The following ELFN2 variants were observed in gnomAD, a reference collection of about 807,000 sequenced individuals.
ELFN2 encodes extracellular leucine rich repeat and fibronectin type III domain containing 2, also known as protein phosphatase 1 regulatory subunit 29.
In ELFN2, 17 loss-of-function variants were observed where a neutral mutation model predicts 45.5. The observed-to-expected ratio is 0.37, with a 90% CI of 0.26 to 0.56. The LOEUF is 0.56. ELFN2 is among the 20% of genes least tolerant of loss of function. ELFN2 has a pLI of 0.77. For missense variants in ELFN2, 922 were observed against 1,183.2 expected, an observed-to-expected ratio of 0.78 and a Z score of 3.24; for synonymous variants, 550 against 551.5, an observed-to-expected ratio of 1.00 and a Z score of 0.04.
intron 1 of ELFN2, among the ~76,000 whole-genome samples, chr22:37,346,480 T>C (rs902581727): frequency 1.7e-4 from 26 of 152,082 alleles, no homozygotes; most frequent in African/African-American, 6.3e-4. Flanking sequence ...CCTCCTCTTA[T>C]TTCTCCTTGA....
At chr22:37,382,782 G>C (rs549588556) in intron 2 of ELFN2, among the ~76,000 whole-genome samples, 21 of 152,238 alleles carry the variant, frequency 1.4e-4, no homozygotes, top group African/African-American at 4.8e-4. Flanking sequence ...GAACTCCTCA[G>C]CTCAAGCGAT....
At position 37,374,992 on chromosome 22, in the gene ELFN2, C is replaced by T. The variant is rs1931531572; in HGVS notation, c.543G>A (p.Glu181=). The T allele has an allele frequency of 6.2e-7, 1 of 1,613,438 alleles. No individual in the cohort carries two copies. The highest frequency in any genetic ancestry group is 8.5e-7 in the Non-Finnish European group (1 of 1,180,030). ...CACAGTTGAAGGGGTTGCCGGCCAG[C>T]TCACACACCATCAGGCTGGCGAGGC... is the stretch of plus-strand genomic sequence containing the variant. ...FASLASLMVC[E]LAGNPFNCEC... The change falls in exon 3 of 3, where the codon GAG becomes GAA. Residue 181 remains glutamate, a synonymous_variant. Transcript: ENST00000402918.
At chr22:37,424,713 A>AGACAGC (rs138374153) in intron 1 of ELFN2, among the ~76,000 whole-genome samples, 1,945 of 152,210 alleles carry the variant, frequency 0.013, 36 homozygotes, top group African/African-American at 0.045. Flanking sequence ...TTAAATCAAC[A>AGACAGC]GACAGCTTAT....
At chr22:37,348,745 T>C (rs1392633707) in intron 1 of ELFN2, among the ~76,000 whole-genome samples, 1 of 150,676 alleles carries the variant, frequency 6.6e-6, no homozygotes, top group Non-Finnish European at 1.5e-5. Flanking sequence ...ATCTGAGGAA[T>C]GTGCCACCCG....
intron 2 of ELFN2, among the ~76,000 whole-genome samples, chr22:37,382,145 A>T: frequency 6.6e-6 from 1 of 152,076 alleles, no homozygotes; most frequent in East Asian, 1.9e-4. Flanking sequence ...GCAGTGATGC[A>T]CCCAAGACCA....
intron 2 of ELFN2, among the ~76,000 whole-genome samples, chr22:37,415,700 C>A (rs1328663049): frequency 1.3e-5 from 2 of 152,202 alleles, no homozygotes. Flanking sequence ...CGGTGGCTCA[C>A]GCCTGTAATC....
intron 2 of ELFN2, among the ~76,000 whole-genome samples, chr22:37,415,333 C>G (rs1049270061): frequency 7.2e-5 from 11 of 152,252 alleles, no homozygotes; most frequent in African/African-American, 2.7e-4. Context: ...CTCAGAGCAC[C>G]CAAGTCCCAT....
intron 2 of ELFN2, among the ~76,000 whole-genome samples, chr22:37,416,961 G>A (rs941478321): frequency 6.6e-6 from 1 of 152,054 alleles, no homozygotes; most frequent in African/African-American, 2.4e-5. Flanking sequence ...AACACTGTGC[G>A]CAGCCAGCCA....
chr22:37,374,379 C>A lies in ELFN2; in HGVS notation c.1156G>T (p.Asp386Tyr), dbSNP rs886430908. Residue 386 changes from aspartate to tyrosine, a missense_variant, in exon 3 of 3, where the codon GAC (aspartate) becomes TAC (tyrosine). Transcript: ENST00000402918. ...GTGGTGGAGGTGCTGGGCGCCAAGT[C>A]TCCGGGGACGGGGTCCCGCGTGGTG... ...TFTTRDPVPGDLAPSTSTTTH... is the reference protein window; with the variant it reads ...TFTTRDPVPGYLAPSTSTTTH... 1.2e-6 allele frequency: 2 copies of A among 1,613,860 alleles called. No homozygotes were observed. The highest frequency in any genetic ancestry group is 1.7e-6 in the Non-Finnish European group (2 of 1,179,964).
chr22:37,400,566 G>A (rs1932336635), intron 2 of ELFN2, among the ~76,000 whole-genome samples: 1 of 152,194 alleles, frequency 6.6e-6, no homozygotes, highest in Non-Finnish European at 1.5e-5. Context: ...AGACAGATGG[G>A]AGCCTGAGGC....
At chr22:37,422,815 G>T (rs562445735) in intron 1 of ELFN2, among the ~76,000 whole-genome samples, 1 of 150,312 alleles carries the variant, frequency 6.7e-6, no homozygotes, top group African/African-American at 2.4e-5. Flanking sequence ...GGCTGGTCTC[G>T]AACTCCTGAC....
chr22:37,397,283 C>A (rs7285708), intron 2 of ELFN2, among the ~76,000 whole-genome samples: 164 of 152,334 alleles, frequency 1.1e-3, no homozygotes, highest in African/African-American at 3.9e-3. Flanking sequence ...AGTGAGAAGC[C>A]TGGCATGGAG....
chr22:37,375,069 T>G lies in ELFN2; in HGVS notation c.466A>C (p.Ile156Leu). 1.2e-6 allele frequency: 2 copies of G among 1,613,598 alleles called. No individual in the cohort carries two copies. Among genetic ancestry groups the G allele is most frequent in the Non-Finnish European group, 1.7e-6 (2 of 1,180,002 alleles). ...CTGAGGCGGTTGGAGGACAGGTCGA[T>G]GCTGATGAGGCTCGGGCACTCGGAG... Reference protein sequence around the residue: ...AFSECPSLISIDLSSNRLSRL... With the variant: ...AFSECPSLISLDLSSNRLSRL... The change falls in exon 3 of 3, where the codon ATC becomes CTC. Residue 156 changes from isoleucine to leucine, a missense_variant. Ile to Leu is a conservative substitution (Grantham distance 5). Transcript: ENST00000402918.
At chr22:37,406,754 AC>A (rs754293308) in intron 2 of ELFN2, among the ~76,000 whole-genome samples, 3 of 152,060 alleles carry the variant, frequency 2.0e-5, no homozygotes, top group Non-Finnish European at 4.4e-5. Context: ...TGGGAATGAC[AC>A]CCCTTTCCCC....
chr22:37,358,982 G>A (rs73164589), intron 1 of ELFN2, among the ~76,000 whole-genome samples: 2,704 of 152,192 alleles, frequency 0.018, 42 homozygotes, highest in Non-Finnish European at 0.028. Context: ...ACTGGGGGCC[G>A]CTGGGCTATC....
At chr22:37,359,703 G>A (rs1417103204) in intron 1 of ELFN2, among the ~76,000 whole-genome samples, 1 of 152,232 alleles carries the variant, frequency 6.6e-6, no homozygotes, top group African/African-American at 2.4e-5. Context: ...AGTACTGCCT[G>A]ACCACCATGG....
At chr22:37,382,390 G>A (rs1931808513) in intron 2 of ELFN2, among the ~76,000 whole-genome samples, 1 of 152,070 alleles carries the variant, frequency 6.6e-6, no homozygotes, top group Non-Finnish European at 1.5e-5. Context: ...GACTACAGGT[G>A]CATGCCGCCA....
intron 2 of ELFN2, among the ~76,000 whole-genome samples, chr22:37,414,053 T>C (rs569654926): frequency 6.6e-6 from 1 of 152,296 alleles, no homozygotes; most frequent in South Asian, 2.1e-4. Context: ...ATAACGAGAC[T>C]GACCTCCCAG....
At chr22:37,389,220 AGGACCAGCTGTTCCT>A (rs1932033008) in intron 2 of ELFN2, among the ~76,000 whole-genome samples, 1 of 152,070 alleles carries the variant, frequency 6.6e-6, no homozygotes, top group Non-Finnish European at 1.5e-5. Flanking sequence ...GAGACAGAGC[AGGACCAGCTGTTCCT>A]GACTCTCCCT....
Sources: allele counts gnomAD v4.1 joint callset (sites outside exome capture counted in the v4.1 genomes callset), GRCh38; gene constraint gnomAD v4.1.1; transcripts MANE v1.5; gene names NCBI Gene and HGNC (gene_info 2026-07-23, HGNC 2026-07-21).